Variants in SIAH2 observed in about 807,000 individuals in gnomAD.
SIAH2 encodes siah E3 ubiquitin protein ligase 2.
In SIAH2, 4 loss-of-function variants were observed where a neutral mutation model predicts 20.4. The observed-to-expected ratio is 0.20, with a 90% CI of 0.10 to 0.45. The LOEUF is 0.45. SIAH2 is among the 20% of genes least tolerant of loss of function. The pLI, the probability that SIAH2 is intolerant of heterozygous loss-of-function variation, is 0.99. For missense variants in SIAH2, 259 were observed against 440.3 expected (o/e 0.59, Z 3.69); for synonymous variants, 171 against 192.5 (o/e 0.89, Z 0.93).
intron 1 of SIAH2, among the ~76,000 whole-genome samples, chr3:150,757,602 C>T (rs1209607482): frequency 1.3e-5 from 2 of 151,778 alleles, no homozygotes; most frequent in African/African-American, 2.4e-5. Context: ...GGCCTGGAGA[C>T]GTGGTGGTTC....
chr3:150,760,920 G>C (rs1714596812), intron 1 of SIAH2, among the ~76,000 whole-genome samples: 1 of 152,222 alleles, frequency 6.6e-6, no homozygotes, highest in African/African-American at 2.4e-5. Context: ...TGGGCTGAGT[G>C]AATTAGTAAG....
chr3:150,750,187 G>C (rs2108120268), intron 1 of SIAH2, among the ~76,000 whole-genome samples: 1 of 152,274 alleles, frequency 6.6e-6, no homozygotes, highest in South Asian at 2.1e-4. Context: ...AGGACTTCTA[G>C]CAATTCAAGC....
rs1714649090 is a variant in SIAH2, at chr3:150,762,695, G to A, written c.155C>T (p.Ala52Val). Residue 52 changes from alanine to valine, a missense_variant, in exon 1 of 2, where the codon GCG becomes GTG. Transcript: ENST00000312960. This position sits in a 1 kb window ranked among gnomAD's most constrained non-coding sequence, Gnocchi z 6.6. Reference sequence around the variant, plus strand: ...GCCGCCGGGGCCCGAGATCACCGCCGCCGCGGCGGGCACCGCGGACGAGCC... The same window carrying A: ...GCCGCCGGGGCCCGAGATCACCGCCACCGCGGCGGGCACCGCGGACGAGCC... ...GPGSSAVPAA[A>V]AVISGPGGGG... 1.5e-6 allele frequency: 2 copies of A among 1,298,790 alleles called. No homozygotes were observed. The highest frequency in any genetic ancestry group is 2.0e-6 in the Non-Finnish European group (2 of 1,021,168). The allele number at this position is 1,298,790 out of a possible 1,614,324, so 80.5% of individuals were successfully genotyped here.
chr3:150,755,322 CTTTTTTTTTTTT>C (rs386398232), intron 1 of SIAH2, among the ~76,000 whole-genome samples: 1 of 80,136 alleles, frequency 1.2e-5, no homozygotes, highest in Non-Finnish European at 2.2e-5. Flanking sequence ...CTTTTCTTCC[CTTTTTTTTTTTT>C]TTTTTTTTTT....
chr3:150,762,772 A>G lies in SIAH2; in HGVS notation c.78T>C (p.Thr26=). The part of the protein sequence containing the change: ...SKQPPPQPQH[T]PSPAAPPAAA... ...CGGCCGGGGGCGCAGCCGGGGACGG[A>G]GTGTGCTGGGGCTGCGGCGGCGGCT... Residue 26 remains threonine, a synonymous_variant, in exon 1 of 2, where the codon ACT becomes ACC. Coordinates refer to ENST00000312960, the MANE Select transcript of SIAH2 (RefSeq NM_005067.7). This position sits in a 1 kb window ranked among gnomAD's most constrained non-coding sequence, Gnocchi z 6.6. The G allele has an allele frequency of 8.3e-7, 1 of 1,208,648 alleles. No homozygotes were observed. The highest frequency in any genetic ancestry group is 1.0e-6 in the Non-Finnish European group (1 of 963,466). 74.9% of individuals were successfully genotyped at this position (1,208,648 alleles called of 1,614,324 possible). A position where few individuals can be genotyped will look rare whatever the true frequency, so the allele number is the denominator to read the frequency against.
intron 1 of SIAH2, among the ~76,000 whole-genome samples, chr3:150,760,706 G>C (rs1714588847): frequency 6.6e-6 from 1 of 152,154 alleles, no homozygotes; most frequent in African/African-American, 2.4e-5. Context: ...TTTGTTAGCC[G>C]CTGCGCGTTT....
intron 1 of SIAH2, among the ~76,000 whole-genome samples, chr3:150,745,438 G>C (rs1455754816): frequency 6.6e-6 from 1 of 152,062 alleles, no homozygotes; most frequent in Non-Finnish European, 1.5e-5. Flanking sequence ...AAACTGTCTA[G>C]GTGCTTCTGA....
At chr3:150,756,528 C>T (rs971249675) in intron 1 of SIAH2, among the ~76,000 whole-genome samples, 1 of 152,216 alleles carries the variant, frequency 6.6e-6, no homozygotes, top group African/African-American at 2.4e-5. Context: ...ACGGGAGAGT[C>T]TATCCCAATC....
intron 1 of SIAH2, among the ~76,000 whole-genome samples, chr3:150,750,340 T>C (rs1362207389): frequency 6.6e-6 from 1 of 152,200 alleles, no homozygotes; most frequent in Non-Finnish European, 1.5e-5. Flanking sequence ...CACCTAATAT[T>C]TGTTGATGAA....
At chr3:150,757,707 A>T (rs983236874) in intron 1 of SIAH2, among the ~76,000 whole-genome samples, 1 of 152,094 alleles carries the variant, frequency 6.6e-6, no homozygotes, top group African/African-American at 2.4e-5. Context: ...CAGGCTGGGC[A>T]CGGTGGCTCA....
chr3:150,755,106 A>G lies in SIAH2; in HGVS notation c.417+7327T>C, dbSNP rs369133504. 3.0e-4 allele frequency among the ~76,000 whole-genome samples: 45 copies of G among 152,096 alleles called. No individual in the cohort carries two copies. In the South Asian group the frequency reaches 9.1e-3, roughly 31 times the overall value. ...ATTAGTGTGTTTGGTCCTCAAGGCA[A>G]CCTTGAGGCTTGGAGAGGTCACCAG... On this transcript the variant is annotated intron_variant, in intron 1 of 1. Transcript: ENST00000312960.
intron 1 of SIAH2, among the ~76,000 whole-genome samples, chr3:150,752,694 C>T (rs952141083): frequency 5.3e-5 from 8 of 152,088 alleles, no homozygotes; most frequent in African/African-American, 1.9e-4. Context: ...CTTCTCCGGC[C>T]CCGCAAGTTA....
In SIAH2 at chr3:150,762,895, G is replaced by C. The variant is rs545937861; in HGVS notation, c.-46C>G. ...GAACTGCGGGCGCCTGCCTGCCGCG[G>C]GGCCGCCCGGGTCAAGGCGGTGCGC... On this transcript the variant is annotated 5_prime_UTR_variant, in exon 1 of 2. Coordinates refer to ENST00000312960, the MANE Select transcript of SIAH2 (RefSeq NM_005067.7). The surrounding 1 kb of genome is among the most constrained non-coding windows in gnomAD (Gnocchi z 6.6). 163 of 1,150,772 alleles carry C rather than the reference G, an allele frequency of 1.4e-4. No individual in the cohort carries two copies. The South Asian group carries it at 5.8e-3, about 41-fold the overall frequency. 71.3% of individuals were successfully genotyped at this position (1,150,772 alleles called of 1,614,324 possible). A position where few individuals can be genotyped will look rare whatever the true frequency, so the allele number is the denominator to read the frequency against.
intron 1 of SIAH2, among the ~76,000 whole-genome samples, chr3:150,752,518 A>C (rs879851545): frequency 6.6e-6 from 1 of 152,324 alleles, no homozygotes; most frequent in South Asian, 2.1e-4. Context: ...CTGAGGCATG[A>C]GAATCACTTG....
intron 1 of SIAH2, among the ~76,000 whole-genome samples, chr3:150,749,784 T>C (rs1714316603): frequency 6.6e-6 from 1 of 152,198 alleles, no homozygotes; most frequent in Admixed American, 6.5e-5. Context: ...CAACACTTCT[T>C]TGGCCCCTAT....
intron 1 of SIAH2, among the ~76,000 whole-genome samples, chr3:150,753,577 T>G (rs1399966920): frequency 6.6e-6 from 1 of 152,170 alleles, no homozygotes; most frequent in African/African-American, 2.4e-5. Flanking sequence ...CCGAATCACT[T>G]GAGCTCAGGT....
intron 1 of SIAH2, among the ~76,000 whole-genome samples, chr3:150,757,882 C>T (rs1714518241): frequency 6.6e-6 from 1 of 152,118 alleles, no homozygotes; most frequent in South Asian, 2.1e-4. Context: ...TCTGATATGC[C>T]TGTACCCACA....
intron 1 of SIAH2, among the ~76,000 whole-genome samples, chr3:150,754,483 C>T (rs1372817783): frequency 1.3e-5 from 2 of 152,170 alleles, no homozygotes; most frequent in Non-Finnish European, 2.9e-5. Flanking sequence ...CTGCCCCAGG[C>T]CCCACCTCCA....
At chr3:150,758,345 A>G (rs1382690160) in intron 1 of SIAH2, among the ~76,000 whole-genome samples, 1 of 151,998 alleles carries the variant, frequency 6.6e-6, no homozygotes. Flanking sequence ...ACAGTTGTAG[A>G]GAGAAATACT....
Sources: allele counts gnomAD v4.1 joint callset (sites outside exome capture counted in the v4.1 genomes callset), GRCh38; gene constraint gnomAD v4.1.1; non-coding constraint Gnocchi (gnomAD v3.1); transcripts MANE v1.5; gene names NCBI Gene and HGNC (gene_info 2026-07-23, HGNC 2026-07-21).